The following ZNF366 variants were observed in gnomAD, a reference collection of about 807,000 sequenced individuals.
ZNF366 encodes the protein zinc finger protein 366.
In ZNF366, 20 loss-of-function variants were observed where a neutral mutation model predicts 47.2. The observed-to-expected ratio is 0.42, with a 90% CI of 0.30 to 0.62. The LOEUF is 0.62. Among genes scored for constraint, ZNF366 ranks in the 20% least tolerant of loss-of-function variants. ZNF366 has a pLI of 0.16. For missense variants in ZNF366, 987 were observed against 976.3 expected (o/e 1.01, Z -0.15); for synonymous variants, 421 against 395.1 (o/e 1.07, Z -0.78).
At chr5:72,459,809 T>C (rs1367605226) in intron 2 of ZNF366, among the ~76,000 whole-genome samples, 16 of 152,352 alleles carry the variant, frequency 1.1e-4, no homozygotes, top group Non-Finnish European at 1.5e-5. Flanking sequence ...TAGGGTCTGA[T>C]GACTTACTCA....
intron 1 of ZNF366, among the ~76,000 whole-genome samples, chr5:72,479,556 T>C (rs1743744977): frequency 6.6e-6 from 1 of 152,210 alleles, no homozygotes; most frequent in Non-Finnish European, 1.5e-5. Context: ...TAAAAGCTTC[T>C]ATAAATCAAT....
In ZNF366 at chr5:72,460,548, C is replaced by T. The variant is rs1743284742; in HGVS notation, c.949G>A (p.Ala317Thr). 1 of 1,614,120 alleles carries T rather than the reference C, an allele frequency of 6.2e-7. No homozygotes were observed. The highest frequency in any genetic ancestry group is 8.5e-7 in the Non-Finnish European group (1 of 1,180,042). The change falls in exon 2 of 5, where the codon GCC becomes ACC. Residue 317 changes from alanine to threonine, a missense_variant. By Grantham distance (58) the Ala-to-Thr change is moderately conservative. Coordinates refer to ENST00000318442, the MANE Select transcript of ZNF366 (RefSeq NM_152625.3). ...TTCAGGTGGCTGGTCTGGGTGAAGG[C>T]CTTGTGGCACACCTGGCACTTGTGG... ...RPHKCQVCHK[A>T]FTQTSHLKRH...
intron 3 of ZNF366, among the ~76,000 whole-genome samples, chr5:72,452,758 G>A (rs369898122): frequency 6.6e-6 from 1 of 152,192 alleles, no homozygotes; most frequent in Non-Finnish European, 1.5e-5. Context: ...AATTTGTCCC[G>A]GAAATTCTGG....
At position 72,443,006 on chromosome 5, in the gene ZNF366, ATGGTCTCC is replaced by A. The variant is rs1742888307; in HGVS notation, c.*742_*749del. The A allele has an allele frequency of 6.6e-6, 1 of 152,278 alleles. No homozygotes were observed. Among genetic ancestry groups the A allele is most frequent in the African/African-American group, 2.4e-5 (1 of 41,458 alleles). The allele number at this position is 152,278 out of a possible 1,614,324, so 9.4% of individuals were successfully genotyped here. On this transcript the variant is annotated 3_prime_UTR_variant, in exon 5 of 5. Coordinates refer to ENST00000318442, the MANE Select transcript of ZNF366 (RefSeq NM_152625.3). ...CATGAGGCCTCAGAGCAAGACAGCAATGGTCTCCAGGAGGGAGCCGTGCTCGAGAAGTG... is the reference window on the plus strand; with the variant it reads ...CATGAGGCCTCAGAGCAAGACAGCAAAGGAGGGAGCCGTGCTCGAGAAGTG...
intron 1 of ZNF366, among the ~76,000 whole-genome samples, chr5:72,479,707 C>T (rs929838136): frequency 6.6e-6 from 1 of 152,120 alleles, no homozygotes; most frequent in Non-Finnish European, 1.5e-5. Context: ...ATCATAGAAT[C>T]ACCAGTAATA....
intron 3 of ZNF366, 96 bp from the exon 4 acceptor site, chr5:72,447,513 C>G: frequency 1.4e-6 from 2 of 1,427,510 alleles, no homozygotes; most frequent in Non-Finnish European, 1.9e-6. Context: ...TTTGTTTGGA[C>G]ATTGACATTT....
intron 1 of ZNF366, among the ~76,000 whole-genome samples, chr5:72,494,492 A>T (rs1441188020): frequency 6.6e-6 from 1 of 152,084 alleles, no homozygotes; most frequent in African/African-American, 2.4e-5. Flanking sequence ...CAACCACTAA[A>T]CTGAACTGTG....
intron 1 of ZNF366, among the ~76,000 whole-genome samples, chr5:72,474,981 T>C (rs912102125): frequency 6.6e-6 from 1 of 152,194 alleles, no homozygotes; most frequent in Admixed American, 6.5e-5. Context: ...AAAAGAATTG[T>C]TTCTCTTGAA....
intron 1 of ZNF366, among the ~76,000 whole-genome samples, chr5:72,491,276 C>G (rs1187825844): frequency 7.2e-5 from 11 of 152,184 alleles, no homozygotes; most frequent in Admixed American, 7.2e-4. Context: ...ACTTTGGGAA[C>G]CTGGCACACA....
Position 72,444,077 on chromosome 5 carries a change from C to CT in ZNF366, c.1913dup (p.Ser639GlufsTer44), listed in dbSNP as rs2112312453. 3 of 1,614,180 alleles carry CT rather than the reference C, an allele frequency of 1.9e-6. No homozygotes were observed. Among genetic ancestry groups the CT allele is most frequent in the Non-Finnish European group, 2.5e-6 (3 of 1,180,026 alleles). ...CCTCGGGTGTGCAGAGCTGCTGGCT[C>CT]TGGGGGGCCAGGCCAGGGCTGTAGG... On this transcript the variant is annotated frameshift_variant, in exon 5 of 5. Transcript: ENST00000318442. LOFTEE classifies it low-confidence loss of function (END_TRUNC).
intron 1 of ZNF366, among the ~76,000 whole-genome samples, chr5:72,497,957 C>A (rs1266483541): frequency 6.6e-6 from 1 of 151,974 alleles, no homozygotes; most frequent in Non-Finnish European, 1.5e-5. Flanking sequence ...TTATACTAAG[C>A]TCTTTGTGAT....
chr5:72,460,883 G>A lies in ZNF366; in HGVS notation c.614C>T (p.Pro205Leu). The part of the protein sequence containing the change: ...PFPFSRHTFL[P>L]KQPPEPLLPR... ...CAGCAGAGGTTCCGGGGGCTGCTTG[G>A]GCAGGAAGGTGTGCCGGCTGAAGGG... Residue 205 changes from proline to leucine, a missense_variant, in exon 2 of 5, where the codon CCC becomes CTC. This residue lies in a region of ZNF366 where 591 missense variants were observed against 560.9 expected (regional missense o/e 1.05). Coordinates refer to ENST00000318442, the MANE Select transcript of ZNF366 (RefSeq NM_152625.3). 6.2e-7 allele frequency: 1 copy of A among 1,613,632 alleles called. No homozygotes were observed. The highest frequency in any genetic ancestry group is 8.5e-7 in the Non-Finnish European group (1 of 1,179,726).
intron 1 of ZNF366, among the ~76,000 whole-genome samples, chr5:72,506,685 C>T (rs542007475): frequency 6.6e-6 from 1 of 152,312 alleles, no homozygotes; most frequent in East Asian, 1.9e-4. Context: ...AACACATAAG[C>T]TCCCCACATG....
intron 1 of ZNF366, among the ~76,000 whole-genome samples, chr5:72,486,711 C>T (rs930578220): frequency 6.6e-6 from 1 of 152,166 alleles, no homozygotes; most frequent in African/African-American, 2.4e-5. Flanking sequence ...TGTCTCTGAA[C>T]CAAGCCAATG....
intron 1 of ZNF366, among the ~76,000 whole-genome samples, chr5:72,504,945 C>T (rs911568801): frequency 2.6e-5 from 4 of 152,228 alleles, no homozygotes; most frequent in Admixed American, 2.6e-4. Flanking sequence ...GGCAACGAAG[C>T]TGAAATTCAA....
chr5:72,495,185 C>T (rs1247709269), intron 1 of ZNF366, among the ~76,000 whole-genome samples: 3 of 152,142 alleles, frequency 2.0e-5, no homozygotes, highest in Admixed American at 6.5e-5. Context: ...AATATACAAC[C>T]TGTTAACTTA....
intron 1 of ZNF366, among the ~76,000 whole-genome samples, chr5:72,477,873 C>CA (rs997366009): frequency 0.01 from 1,456 of 142,794 alleles, 18 homozygotes; most frequent in African/African-American, 0.032. Flanking sequence ...ACTTTATTTA[C>CA]AAAAAAAAAA....
At chr5:72,490,198 T>C (rs2112350805) in intron 1 of ZNF366, among the ~76,000 whole-genome samples, 1 of 152,318 alleles carries the variant, frequency 6.6e-6, no homozygotes, top group Non-Finnish European at 1.5e-5. Context: ...GCCAAATCAC[T>C]TAATCATTTA....
intron 1 of ZNF366, among the ~76,000 whole-genome samples, chr5:72,476,214 G>T (rs186002119): frequency 1.3e-5 from 2 of 151,986 alleles, no homozygotes; most frequent in Non-Finnish European, 2.9e-5. Flanking sequence ...GTCAGCACAC[G>T]AGAATCACTT....
Sources: allele counts gnomAD v4.1 joint callset (sites outside exome capture counted in the v4.1 genomes callset), GRCh38; gene constraint gnomAD v4.1.1; regional missense constraint gnomAD v4.1.1; transcripts MANE v1.5; gene names NCBI Gene and HGNC (gene_info 2026-07-23, HGNC 2026-07-21).